Variants in ANP32A observed in about 807,000 individuals in gnomAD.
ANP32A encodes acidic leucine-rich nuclear phosphoprotein 32 family member A.
A neutral mutation model predicts 33.9 loss-of-function variants in ANP32A; 1 was observed. The observed-to-expected ratio is 0.03, with a 90% CI of 0.01 to 0.14. The LOEUF is 0.14. ANP32A is among the 10% of genes least tolerant of loss of function. ANP32A has a pLI of 1.00. For synonymous variants in ANP32A, 115 were observed against 120.5 expected, an observed-to-expected ratio of 0.95 and a Z score of 0.30; for missense variants, 155 against 306.0, an observed-to-expected ratio of 0.51 and a Z score of 3.68.
intron 1 of ANP32A, among the ~76,000 whole-genome samples, chr15:68,815,733 G>C (rs536905270): frequency 2.6e-4 from 39 of 152,322 alleles, no homozygotes; most frequent in Non-Finnish European, 5.1e-4. Flanking sequence ...GGGGCCTGTG[G>C]TTTTGCAGTG....
intron 1 of ANP32A, among the ~76,000 whole-genome samples, chr15:68,803,067 G>C (rs1894160685): frequency 6.6e-6 from 1 of 152,116 alleles, no homozygotes; most frequent in African/African-American, 2.4e-5. Context: ...CAATGATAAA[G>C]GTGTCTTTGA....
chr15:68,819,426 G>T (rs969059770), intron 1 of ANP32A, among the ~76,000 whole-genome samples: 1 of 152,216 alleles, frequency 6.6e-6, no homozygotes, highest in African/African-American at 2.4e-5. Flanking sequence ...CGAGCCTCGC[G>T]ATTCCCACCC....
chr15:68,792,951 G>A (rs1894016754), intron 1 of ANP32A, among the ~76,000 whole-genome samples: 1 of 152,146 alleles, frequency 6.6e-6, no homozygotes, highest in Non-Finnish European at 1.5e-5. Flanking sequence ...TGACCTCCAA[G>A]GTTCTCCATT....
At chr15:68,784,337 G>C in intron 4 of ANP32A, 60 bp downstream of exon 4, 1 of 1,511,606 alleles carries the variant, frequency 6.6e-7, no homozygotes, top group Non-Finnish European at 9.0e-7. Context: ...GCAAAGCCAA[G>C]GACGAGCCCC....
chr15:68,803,854 T>G (rs915411322), intron 1 of ANP32A, among the ~76,000 whole-genome samples: 2 of 136,934 alleles, frequency 1.5e-5, no homozygotes. Context: ...CAGGCTGGAG[T>G]GCAGTGGCAC....
chr15:68,799,626 A>G (rs1349238697), intron 1 of ANP32A, among the ~76,000 whole-genome samples: 3 of 152,218 alleles, frequency 2.0e-5, no homozygotes, highest in African/African-American at 7.2e-5. Context: ...GGCAGCCAAC[A>G]CAGATGAGCC....
chr15:68,819,085 G>C (rs1315330397), intron 1 of ANP32A, among the ~76,000 whole-genome samples: 3 of 152,194 alleles, frequency 2.0e-5, no homozygotes, highest in Non-Finnish European at 2.9e-5. Flanking sequence ...TCTCACTCAG[G>C]TTTGGGGGAG....
intron 3 of ANP32A, among the ~76,000 whole-genome samples, chr15:68,786,073 C>A (rs1893928176): frequency 6.6e-6 from 1 of 152,054 alleles, no homozygotes; most frequent in Non-Finnish European, 1.5e-5. Context: ...CCAGCAAGTC[C>A]CGTGAGCATC....
intron 1 of ANP32A, among the ~76,000 whole-genome samples, chr15:68,802,913 C>T (rs1330331635): frequency 1.3e-5 from 2 of 152,172 alleles, no homozygotes; most frequent in African/African-American, 4.8e-5. Context: ...CTTGGCCTCC[C>T]AAAGTGCTGG....
At chr15:68,784,353 C>T (rs774793916) in intron 4 of ANP32A, 44 bp downstream of exon 4, 8 of 1,599,446 alleles carry the variant, frequency 5.0e-6, no homozygotes, top group Non-Finnish European at 6.8e-6. Context: ...GCCCCAAGGC[C>T]TCAGCTGGGC....
chr15:68,795,441 A>G (rs1236201285), intron 1 of ANP32A, among the ~76,000 whole-genome samples: 1 of 152,232 alleles, frequency 6.6e-6, no homozygotes, highest in Non-Finnish European at 1.5e-5. Context: ...GGCGCGCTGC[A>G]GCGGTAATTA....
At chr15:68,816,580 G>A (rs1441138014) in intron 1 of ANP32A, among the ~76,000 whole-genome samples, 2 of 152,092 alleles carry the variant, frequency 1.3e-5, no homozygotes, top group Non-Finnish European at 2.9e-5. Context: ...ATGTCTCCGA[G>A]ACTAAAACTG....
At chr15:68,796,585 G>A (rs1400108858) in intron 1 of ANP32A, among the ~76,000 whole-genome samples, 1 of 152,220 alleles carries the variant, frequency 6.6e-6, no homozygotes, top group African/African-American at 2.4e-5. Context: ...TGAAGAGGTA[G>A]GTGCTGGAGG....
At chr15:68,805,292 G>A (rs564991431) in intron 1 of ANP32A, among the ~76,000 whole-genome samples, 15 of 152,342 alleles carry the variant, frequency 9.8e-5, no homozygotes, top group South Asian at 2.1e-4. Flanking sequence ...AAAATTGGGC[G>A]GTGTCTCCGC....
rs1555424028 is a variant in ANP32A at position 68,807,430 on chromosome 15, G to GGC, written c.54+13267_54+13268insGC. Among the ~76,000 whole-genome samples, 10 of 147,256 alleles carry GGC rather than the reference G, an allele frequency of 6.8e-5. 1 individual carries two copies. Among genetic ancestry groups the GGC allele is most frequent in the South Asian group, 4.3e-4 (2 of 4,628 alleles). ...CCCGCCCCACCTCCACAGAAAACGG[G>GGC]GGGGGGGGAGTCTCTCCTTTGCCCA... is the stretch of plus-strand genomic sequence containing the variant. On this transcript the variant is annotated intron_variant, in intron 1 of 6. Coordinates refer to ENST00000465139, the MANE Select transcript of ANP32A (RefSeq NM_006305.4).
At chr15:68,819,683 C>T (rs1376820051) in intron 1 of ANP32A, among the ~76,000 whole-genome samples, 1 of 152,210 alleles carries the variant, frequency 6.6e-6, no homozygotes, top group Non-Finnish European at 1.5e-5. Context: ...GGGGTTCGAG[C>T]TGGGGGGCAC....
intron 1 of ANP32A, among the ~76,000 whole-genome samples, chr15:68,810,480 G>C (rs1894297105): frequency 1.3e-5 from 2 of 152,118 alleles, no homozygotes; most frequent in Admixed American, 1.3e-4. Flanking sequence ...CTTAAGAGTA[G>C]GGCACTTTTG....
At chr15:68,802,476 C>T (rs1231633649) in intron 1 of ANP32A, among the ~76,000 whole-genome samples, 14 of 152,108 alleles carry the variant, frequency 9.2e-5, no homozygotes, top group Admixed American at 9.2e-4. Context: ...TTTTCTTAAC[C>T]AGTCTCTTAT....
Position 68,779,031 on chromosome 15 carries a change from C to G in ANP32A, c.*1050G>C, listed in dbSNP as rs1893829688. On this transcript the variant is annotated 3_prime_UTR_variant, in exon 7 of 7. Coordinates refer to ENST00000465139, the MANE Select transcript of ANP32A (RefSeq NM_006305.4). ...CTTTTATACAGATGAAACATGGGTT[C>G]AGAAATTACACGTCACTTCTAAAGC... 1 of 152,112 alleles carries G rather than the reference C, an allele frequency of 6.6e-6. No homozygotes were observed. Among genetic ancestry groups the G allele is most frequent in the South Asian group, 2.1e-4 (1 of 4,834 alleles). 9.4% of individuals were successfully genotyped at this position (152,112 alleles called of 1,614,324 possible). A position where few individuals can be genotyped will look rare whatever the true frequency, so the allele number is the denominator to read the frequency against.
Sources: allele counts gnomAD v4.1 joint callset (sites outside exome capture counted in the v4.1 genomes callset), GRCh38; gene constraint gnomAD v4.1.1; transcripts MANE v1.5; gene names NCBI Gene and HGNC (gene_info 2026-07-23, HGNC 2026-07-21).